Variants in STRAP observed in about 807,000 individuals in gnomAD.
STRAP encodes serine-threonine kinase receptor-associated protein.
A neutral mutation model predicts 47.0 loss-of-function variants in STRAP; 16 were observed. That is an observed-to-expected ratio of 0.34 (90% CI 0.23 to 0.52). The LOEUF (loss-of-function observed/expected upper bound fraction) is 0.52, where lower values mean the gene tolerates loss of function less well. STRAP is among the 20% of genes least tolerant of loss of function. The pLI, the probability that STRAP is intolerant of heterozygous loss-of-function variation, is 0.96. For synonymous variants in STRAP, 130 were observed against 142.7 expected (o/e 0.91, Z 0.63); for missense variants, 293 against 420.0 (o/e 0.70, Z 2.64).
Position 15,888,564 on chromosome 12 carries a change from T to G in STRAP, c.249-1364T>G, listed in dbSNP as rs1255664896. Among the ~76,000 whole-genome samples the G allele has an allele frequency of 4.6e-5, 7 of 152,306 alleles. No homozygotes were observed. The East Asian group carries it at 1.3e-3, about 29-fold the overall frequency. ...GTGTATCATGAGCATTCCTGTTAGA[T>G]GGTCTTTCATATTCATTAACCACAT... On this transcript the variant is annotated intron_variant, in intron 2 of 9. Coordinates refer to ENST00000419869, the MANE Select transcript of STRAP (RefSeq NM_007178.4).
At chr12:15,888,042 C>A (rs1222182901) in intron 2 of STRAP, among the ~76,000 whole-genome samples, 2 of 152,124 alleles carry the variant, frequency 1.3e-5, no homozygotes, top group Non-Finnish European at 2.9e-5. Flanking sequence ...ATGCATTTCA[C>A]TGTGATTAAG....
chr12:15,883,214 C>T lies in STRAP; in HGVS notation c.113-327C>T, dbSNP rs555166206. 4.2e-5 allele frequency: 57 copies of T among 1,357,782 alleles called. No homozygotes were observed. In the East Asian group the frequency reaches 1.4e-3, roughly 33 times the overall value. The allele number at this position is 1,357,782 out of a possible 1,614,324, so 84.1% of individuals were successfully genotyped here. A position where few individuals can be genotyped will look rare whatever the true frequency, so the allele number is the denominator to read the frequency against. Reference sequence around the variant, plus strand: ...GTTCGCTCTTGTCTCACTGGATATTCCTTTGTGGTATTAGCCTCATTTTTC... The same window carrying T: ...GTTCGCTCTTGTCTCACTGGATATTTCTTTGTGGTATTAGCCTCATTTTTC... On this transcript the variant is annotated intron_variant, in intron 1 of 9. Coordinates refer to ENST00000419869, the MANE Select transcript of STRAP (RefSeq NM_007178.4).
Position 15,890,779 on chromosome 12 carries a change from G to T in STRAP, c.403+110G>T. On this transcript the variant is annotated intron_variant, in intron 4 of 9. Coordinates refer to ENST00000419869, the MANE Select transcript of STRAP (RefSeq NM_007178.4). The surrounding 1 kb of genome is among the most constrained non-coding windows in gnomAD (Gnocchi z 4.5). ...AATTTGGAAAATAAAGATAGTCATG[G>T]CCGGGCACGGTGGCTCATACCTGTA... The T allele has an allele frequency of 1.1e-6, 1 of 914,842 alleles. No individual in the cohort carries two copies. The highest frequency in any genetic ancestry group is 1.7e-6 in the Non-Finnish European group (1 of 605,504). 56.7% of individuals were successfully genotyped at this position (914,842 alleles called of 1,614,324 possible). A position where few individuals can be genotyped will look rare whatever the true frequency, so the allele number is the denominator to read the frequency against.
intron 2 of STRAP, among the ~76,000 whole-genome samples, chr12:15,884,639 G>A (rs1485951871): frequency 1.3e-5 from 2 of 151,586 alleles, no homozygotes; most frequent in Admixed American, 6.6e-5. Context: ...TAAACTCTTG[G>A]CCTCCATGCC....
chr12:15,891,817 C>T (rs751334419), intron 4 of STRAP, among the ~76,000 whole-genome samples: 11 of 151,930 alleles, frequency 7.2e-5, no homozygotes, highest in African/African-American at 2.4e-4. Context: ...TGGTGGCAGG[C>T]GCCTGTAATT....
intron 2 of STRAP, among the ~76,000 whole-genome samples, chr12:15,884,965 G>T (rs1212047414): frequency 6.6e-6 from 1 of 151,954 alleles, no homozygotes; most frequent in African/African-American, 2.4e-5. Context: ...TCTGACTTTT[G>T]GCGGTTAATT....
chr12:15,891,898 A>T (rs1412609184), intron 4 of STRAP, among the ~76,000 whole-genome samples: 3 of 152,160 alleles, frequency 2.0e-5, no homozygotes, highest in Non-Finnish European at 4.4e-5. Flanking sequence ...GTGAGCCGAG[A>T]TTGCATACCA....
In STRAP at chr12:15,887,250, CT is replaced by C. The variant is rs1406695861; in HGVS notation, c.249-2676del. Among the ~76,000 whole-genome samples the C allele has an allele frequency of 6.6e-6, 1 of 152,104 alleles. No individual in the cohort carries two copies. Among genetic ancestry groups the C allele is most frequent in the Non-Finnish European group, 1.5e-5 (1 of 68,038 alleles). On this transcript the variant is annotated intron_variant, in intron 2 of 9. Coordinates refer to ENST00000419869, the MANE Select transcript of STRAP (RefSeq NM_007178.4). This position sits in a 1 kb window ranked among gnomAD's most constrained non-coding sequence, Gnocchi z 5.5. ...AAGTTAAGCAGCTCCTATTATGAGA[CT>C]TACGGTAAGTTCATTCTGAGGATAT...
At chr12:15,885,488 CTTTTTTT>C (rs5796649) in intron 2 of STRAP, among the ~76,000 whole-genome samples, 4 of 132,478 alleles carry the variant, frequency 3.0e-5, no homozygotes, top group African/African-American at 1.2e-4. Context: ...CGTGCCTGGC[CTTTTTTT>C]TTTTTTTTTT....
At chr12:15,902,741 A>T (rs1948115279) in intron 9 of STRAP, among the ~76,000 whole-genome samples, 176 bp from the exon 10 acceptor site, 1 of 152,124 alleles carries the variant, frequency 6.6e-6, no homozygotes, top group South Asian at 2.1e-4. Context: ...TTGCCTTTTC[A>T]ATGACATGAG....
chr12:15,902,278 G>A (rs1452900597), intron 9 of STRAP, among the ~76,000 whole-genome samples: 1 of 152,064 alleles, frequency 6.6e-6, no homozygotes, highest in Non-Finnish European at 1.5e-5. Context: ...GGCCTATCAT[G>A]TAGTTTTTAA....
At chr12:15,901,519 A>G (rs1386117281) in intron 9 of STRAP, among the ~76,000 whole-genome samples, 1 of 152,206 alleles carries the variant, frequency 6.6e-6, no homozygotes, top group Non-Finnish European at 1.5e-5. Context: ...GTTAAAGAGC[A>G]AAGGCAAAGT....
chr12:15,884,224 G>A (rs369550745), intron 2 of STRAP, among the ~76,000 whole-genome samples: 1 of 152,084 alleles, frequency 6.6e-6, no homozygotes, highest in East Asian at 1.9e-4. Context: ...TTCTGCCAGC[G>A]GGATGTCTCC....
rs1344558488 is a variant in STRAP at position 15,887,004 on chromosome 12, A to G, written c.249-2924A>G. Among the ~76,000 whole-genome samples the G allele has an allele frequency of 3.9e-5, 6 of 152,200 alleles. No homozygotes were observed. Among genetic ancestry groups the G allele is most frequent in the Non-Finnish European group, 2.9e-5 (2 of 68,036 alleles). ...CTGTGCTGTGCTCCCAAGAGGGCTT[A>G]AGTAGATCTGGGATTGGGTCCAGGA... On this transcript the variant is annotated intron_variant, in intron 2 of 9. Transcript: ENST00000419869. The surrounding 1 kb of genome is among the most constrained non-coding windows in gnomAD (Gnocchi z 5.5).
intron 9 of STRAP, 65 bp downstream of exon 9, chr12:15,901,077 G>A (rs1948099501): frequency 7.8e-7 from 1 of 1,276,358 alleles, no homozygotes; most frequent in African/African-American, 1.5e-5. Flanking sequence ...TGTAACAGAA[G>A]TTTTACTCAT....
At chr12:15,888,710 C>CT (rs1048525444) in intron 2 of STRAP, among the ~76,000 whole-genome samples, 8 of 151,964 alleles carry the variant, frequency 5.3e-5, no homozygotes, top group Non-Finnish European at 8.8e-5. Flanking sequence ...TATCTAGGTG[C>CT]TTTTTTCTGA....
Position 15,901,883 on chromosome 12 carries a change from T to C in STRAP, c.991+871T>C, listed in dbSNP as rs536699658. Among the ~76,000 whole-genome samples, 11 of 146,540 alleles carry C rather than the reference T, an allele frequency of 7.5e-5. No homozygotes were observed. The South Asian group carries it at 1.9e-3, about 26-fold the overall frequency. On this transcript the variant is annotated intron_variant, in intron 9 of 9. Coordinates refer to ENST00000419869, the MANE Select transcript of STRAP (RefSeq NM_007178.4). ...CTCAAAAAAAAAAAAAAAAAAAAGG[T>C]TGCCTTGGCTGTTGCACGTACAAAG...
Position 15,903,167 on chromosome 12 carries a change from A to G in STRAP, c.*189A>G, listed in dbSNP as rs1948119079. On this transcript the variant is annotated 3_prime_UTR_variant, in exon 10 of 10. Transcript: ENST00000419869. Reference sequence around the variant, plus strand: ...CTGTAAGTGAAAACTCAAGTGTCAGATGAAGGGAGGTGGAGTTATCCTCTT... The same window carrying G: ...CTGTAAGTGAAAACTCAAGTGTCAGGTGAAGGGAGGTGGAGTTATCCTCTT... 2.0e-6 allele frequency: 1 copy of G among 502,814 alleles called. No homozygotes were observed. Among genetic ancestry groups the G allele is most frequent in the South Asian group, 5.2e-5 (1 of 19,256 alleles). 31.1% of individuals were successfully genotyped at this position (502,814 alleles called of 1,614,324 possible).
intron 8 of STRAP, 33 bp downstream of exon 8, chr12:15,900,086 T>A: frequency 6.3e-7 from 1 of 1,575,622 alleles, no homozygotes; most frequent in Non-Finnish European, 8.6e-7. Context: ...ATAAAATTTT[T>A]AAAATGCATG....
Sources: gnomAD v4.1 joint callset for allele counts (sites outside exome capture counted in the v4.1 genomes callset) on GRCh38, gnomAD v4.1.1 for gene constraint, Gnocchi (gnomAD v3.1) non-coding constraint, MANE v1.5 for transcripts, NCBI Gene and HGNC (gene_info 2026-07-23, HGNC 2026-07-21) for gene names.